MOV10L1: variants seen among roughly 807,000 people sequenced by gnomAD.
MOV10L1 encodes RNA helicase Mov10l1.
A neutral mutation model predicts 143.8 loss-of-function variants in MOV10L1; 110 were observed. The ratio of observed to expected loss-of-function variants is 0.76; its 90% CI spans 0.66 to 0.90. The LOEUF is 0.90. Ranked by LOEUF, MOV10L1 falls within the 40% of genes least tolerant of loss-of-function variation. The pLI, the probability that MOV10L1 is intolerant of heterozygous loss-of-function variation, is 0.00. For missense variants in MOV10L1, 1,406 were observed against 1,526.8 expected (o/e 0.92, Z 1.32); for synonymous variants, 593 against 581.1 (o/e 1.02, Z -0.29).
intron 3 of MOV10L1, among the ~76,000 whole-genome samples, chr22:50,104,714 T>G (rs2061826435): frequency 6.6e-6 from 1 of 152,200 alleles, no homozygotes; most frequent in African/African-American, 2.4e-5. Flanking sequence ...ATATTCTTGG[T>G]ACATATTAAC....
chr22:50,102,453 T>C (rs750764767), intron 3 of MOV10L1, among the ~76,000 whole-genome samples: 5 of 152,236 alleles, frequency 3.3e-5, no homozygotes, highest in Non-Finnish European at 7.3e-5. Flanking sequence ...GGAAGAATTA[T>C]GCTAAATTTT....
rs1340376397 is a variant in MOV10L1, at chr22:50,152,183, G to A, written c.2893-862G>A. On this transcript the variant is annotated intron_variant, in intron 21 of 26. Coordinates refer to ENST00000262794, the MANE Select transcript of MOV10L1 (RefSeq NM_018995.3). The surrounding 1 kb of genome is among the most constrained non-coding windows in gnomAD (Gnocchi z 4.4). The stretch of plus-strand genomic sequence containing the variant: ...ACAGGTTTTCACCAACAGGGGCTTT[G>A]TTAACTCATCCCAAGGAGGGAGAGC... Among the ~76,000 whole-genome samples, 3 of 152,238 alleles carry A rather than the reference G, an allele frequency of 2.0e-5. No individual in the cohort carries two copies. The highest frequency in any genetic ancestry group is 2.9e-5 in the Non-Finnish European group (2 of 68,046).
intron 7 of MOV10L1, among the ~76,000 whole-genome samples, 168 bp downstream of exon 7, chr22:50,114,790 GGA>G (rs2062124024): frequency 6.6e-6 from 1 of 152,188 alleles, no homozygotes; most frequent in South Asian, 2.1e-4. Flanking sequence ...ACGACGTTAG[GGA>G]GAGGGACAAA....
intron 10 of MOV10L1, among the ~76,000 whole-genome samples, chr22:50,121,752 G>T (rs1433133340): frequency 6.6e-6 from 1 of 152,218 alleles, no homozygotes; most frequent in Non-Finnish European, 1.5e-5. Flanking sequence ...GGGGACCCAG[G>T]TCTGCTGGGC....
At chr22:50,115,092 G>T in intron 7 of MOV10L1, 22 bp from the exon 8 acceptor site, 1 of 1,557,344 alleles carries the variant, frequency 6.4e-7, no homozygotes, top group Non-Finnish European at 8.6e-7. Context: ...GTCAACTTTT[G>T]TATTAAAATT....
At chr22:50,137,309 C>T (rs747702152) in intron 15 of MOV10L1, among the ~76,000 whole-genome samples, 14 of 151,636 alleles carry the variant, frequency 9.2e-5, no homozygotes, top group South Asian at 2.1e-4. Flanking sequence ...AGTGGAGACA[C>T]GAAAGATATA....
intron 26 of MOV10L1, 77 bp downstream of exon 26, chr22:50,161,132 C>G: frequency 7.1e-7 from 1 of 1,410,072 alleles, no homozygotes; most frequent in Admixed American, 1.7e-5. Flanking sequence ...CTGCTCCCCT[C>G]ACCCCCATCC....
In MOV10L1 at chr22:50,158,130, G is replaced by C. The variant is rs745369974; in HGVS notation, c.3140G>C (p.Cys1047Ser). ...GAGGCCGTCCAGGTCCTGCGCTACT[G>C]CTGCCTCCTGGCCCACAGCATCTCC... ...PAEAVQVLRYCCLLAHSISSQ... is the reference protein window; with the variant it reads ...PAEAVQVLRYSCLLAHSISSQ... The change falls in exon 23 of 27, where the codon TGC (cysteine) becomes TCC (serine). Residue 1047 changes from cysteine (C) to serine (S), a missense_variant. By Grantham distance (112) the Cys-to-Ser change is moderately radical. Around this residue, in one of 3 missense-constraint regions of MOV10L1, gnomAD observed 1,233 missense variants for 1,351.4 expected, o/e 0.91. Transcript: ENST00000262794. The surrounding 1 kb of genome is among the most constrained non-coding windows in gnomAD (Gnocchi z 5.0). 1 of 1,614,054 alleles carries C rather than the reference G, an allele frequency of 6.2e-7. No individual in the cohort carries two copies. The highest frequency in any genetic ancestry group is 8.5e-7 in the Non-Finnish European group (1 of 1,180,046).
At chr22:50,096,457 G>C (rs1272988166) in intron 2 of MOV10L1, 2 of 152,222 alleles carry the variant, frequency 1.3e-5, no homozygotes, top group Non-Finnish European at 2.9e-5. Context: ...GAACAAGTCT[G>C]TCTGAGTCCT....
At position 50,159,650 on chromosome 22, in the gene MOV10L1, T is replaced by G. The variant is rs2063506175; in HGVS notation, c.3217-28T>G. 1 of 1,404,232 alleles carries G rather than the reference T, an allele frequency of 7.1e-7. No individual in the cohort carries two copies. The highest frequency in any genetic ancestry group is 1.0e-6 in the Non-Finnish European group (1 of 1,000,082). The allele number at this position is 1,404,232 out of a possible 1,614,324, so 87.0% of individuals were successfully genotyped here. A position where few individuals can be genotyped will look rare whatever the true frequency, so the allele number is the denominator to read the frequency against. The stretch of plus-strand genomic sequence containing the variant: ...GAAATGGATTTGTACAGTGTTATCT[T>G]TAGTCTTTCTTTTAATCTGTTCTCA... On this transcript the variant is annotated intron_variant, in intron 23 of 26. Transcript: ENST00000262794. This position sits in a 1 kb window ranked among gnomAD's most constrained non-coding sequence, Gnocchi z 4.1.
At chr22:50,099,392 T>G (rs1602125760) in intron 2 of MOV10L1, 51 bp from the exon 3 acceptor site, 1 of 1,583,988 alleles carries the variant, frequency 6.3e-7, no homozygotes, top group Non-Finnish European at 8.6e-7. Flanking sequence ...TGTAGTTTGC[T>G]TTTCTTGTAG....
At chr22:50,127,495 A>G (rs2062544771) in intron 12 of MOV10L1, among the ~76,000 whole-genome samples, 1 of 152,142 alleles carries the variant, frequency 6.6e-6, no homozygotes, top group Non-Finnish European at 1.5e-5. Context: ...ATGGCCCTGT[A>G]CCACTGTTGC....
At chr22:50,133,006 G>A (rs2062718239) in intron 13 of MOV10L1, among the ~76,000 whole-genome samples, 1 of 151,898 alleles carries the variant, frequency 6.6e-6, no homozygotes, top group African/African-American at 2.4e-5. Flanking sequence ...ACTCATTCCA[G>A]CCTGGGCGAC....
Position 50,128,484 on chromosome 22 carries a change from G to A in MOV10L1, c.1887G>A (p.Met629Ile). Residue 629 changes from methionine to isoleucine, a missense_variant, in exon 13 of 27, where the codon ATG becomes ATA. By Grantham distance (10) the Met-to-Ile change is conservative (BLOSUM62 1). Transcript: ENST00000262794. ...AACAAGCCTATAACTTTGAACCTAT[G>A]GATGTGGAATTTACATATAATAGGT... is the stretch of plus-strand genomic sequence containing the variant. ...EFEQAYNFEP[M>I]DVEFTYNRTT... 6.5e-7 allele frequency: 1 copy of A among 1,539,186 alleles called. No homozygotes were observed. The highest frequency in any genetic ancestry group is 1.1e-5 in the South Asian group (1 of 87,790).
At chr22:50,115,386 G>A (rs554827225) in intron 8 of MOV10L1, 140 bp downstream of exon 8, 26 of 940,544 alleles carry the variant, frequency 2.8e-5, no homozygotes, top group Admixed American at 3.9e-5. Flanking sequence ...CCACCATGGC[G>A]AAACCCCGCC....
At chr22:50,090,592 A>G in intron 1 of MOV10L1, 1 of 1,519,804 alleles carries the variant, frequency 6.6e-7, no homozygotes, top group Non-Finnish European at 9.0e-7. Context: ...AAGGCGTGCC[A>G]TTTCCTTGTC....
In MOV10L1 at chr22:50,134,764, G is replaced by A. The variant is rs916259918; in HGVS notation, c.2070+134G>A. On this transcript the variant is annotated intron_variant, in intron 15 of 26. Coordinates refer to ENST00000262794, the MANE Select transcript of MOV10L1 (RefSeq NM_018995.3). ...CTCAGCGATGTAACTGTCTACACAG[G>A]GGGTGGGCGTTTCCTTCTCGGAGTA... 9 of 713,550 alleles carry A rather than the reference G, an allele frequency of 1.3e-5. No individual in the cohort carries two copies. In the Admixed American group the frequency reaches 1.9e-4, roughly 15 times the overall value. 44.2% of individuals were successfully genotyped at this position (713,550 alleles called of 1,614,324 possible).
At position 50,137,669 on chromosome 22, in the gene MOV10L1, C is replaced by T. The variant is rs533892203; in HGVS notation, c.2070+3039C>T. On this transcript the variant is annotated intron_variant, in intron 15 of 26. Transcript: ENST00000262794. ...GCAGTGAGCCAAGATCATGCCACTG[C>T]GCTCCAGCCTGGGCGACAGAGCAAG... Among the ~76,000 whole-genome samples the T allele has an allele frequency of 5.9e-5, 9 of 151,342 alleles. No individual in the cohort carries two copies. The South Asian group carries it at 6.2e-4, about 11-fold the overall frequency.
rs1413285937 is a variant in MOV10L1, at chr22:50,090,045, G to T, written c.-44G>T. ...GCGGGAGCGGCGCGGGCGCGTGCGG[G>T]CGGCGGCAGCGGCGGTGACGGCAGC... is the stretch of plus-strand genomic sequence containing the variant. On this transcript the variant is annotated 5_prime_UTR_variant, in exon 1 of 27. Coordinates refer to ENST00000262794, the MANE Select transcript of MOV10L1 (RefSeq NM_018995.3). 3 of 1,197,222 alleles carry T rather than the reference G, an allele frequency of 2.5e-6. No homozygotes were observed. Among genetic ancestry groups the T allele is most frequent in the Non-Finnish European group, 3.1e-6 (3 of 963,998 alleles). 74.2% of individuals were successfully genotyped at this position (1,197,222 alleles called of 1,614,324 possible). A position where few individuals can be genotyped will look rare whatever the true frequency, so the allele number is the denominator to read the frequency against.
Sources: allele counts gnomAD v4.1 joint callset (sites outside exome capture counted in the v4.1 genomes callset), GRCh38; gene constraint gnomAD v4.1.1; regional missense constraint gnomAD v4.1.1; non-coding constraint Gnocchi (gnomAD v3.1); transcripts MANE v1.5; gene names NCBI Gene and HGNC (gene_info 2026-07-23, HGNC 2026-07-21).